The following NKAIN3 variants were observed in gnomAD, a reference collection of about 807,000 sequenced individuals.
NKAIN3 encodes sodium/potassium-transporting ATPase subunit beta-1-interacting protein 3.
In NKAIN3, 25 loss-of-function variants were observed where a neutral mutation model predicts 30.2. That is an observed-to-expected ratio of 0.83 (90% CI 0.60 to 1.16). The LOEUF is 1.16. Ranked by LOEUF, NKAIN3 falls within the 50% of genes most tolerant of loss-of-function variation. NKAIN3 has a pLI of 0.00. For synonymous variants in NKAIN3, 91 were observed against 89.6 expected (o/e 1.02, Z -0.09); for missense variants, 225 against 254.1 (o/e 0.89, Z 0.78).
At chr8:62,735,345 CCTTTCTTTCTTTCTTT>C (rs1222540572) in intron 3 of NKAIN3, among the ~76,000 whole-genome samples, 1 of 115,666 alleles carries the variant, frequency 8.6e-6, no homozygotes, top group Non-Finnish European at 1.9e-5. Context: ...AATTCAAAAA[CCTTTCTTTCTTTCTTT>C]CTTTCTTTCT....
intron 4 of NKAIN3, among the ~76,000 whole-genome samples, chr8:62,751,373 C>T (rs556456084): frequency 1.2e-4 from 18 of 152,290 alleles, no homozygotes; most frequent in East Asian, 1.2e-3. Flanking sequence ...AACCTCTGTC[C>T]GGCGTTTGGG....
intron 4 of NKAIN3, among the ~76,000 whole-genome samples, chr8:62,750,570 G>A (rs987329016): frequency 6.6e-6 from 1 of 152,066 alleles, no homozygotes; most frequent in Non-Finnish European, 1.5e-5. Context: ...AGCTTCTGCC[G>A]GCGCCTCTGT....
At chr8:62,559,855 C>G (rs1018347067) in intron 1 of NKAIN3, among the ~76,000 whole-genome samples, 2 of 152,014 alleles carry the variant, frequency 1.3e-5, no homozygotes, top group Non-Finnish European at 2.9e-5. Flanking sequence ...ATCTGTAATT[C>G]TTTCTGGTGT....
intron 4 of NKAIN3, among the ~76,000 whole-genome samples, chr8:62,782,656 T>C (rs562974396): frequency 6.6e-6 from 1 of 151,334 alleles, no homozygotes; most frequent in South Asian, 2.1e-4. Context: ...TTAATTTAAG[T>C]GAAATAAGCA....
intron 3 of NKAIN3, among the ~76,000 whole-genome samples, chr8:62,728,167 A>G (rs1228371783): frequency 1.3e-5 from 2 of 152,172 alleles, no homozygotes; most frequent in African/African-American, 4.8e-5. Context: ...CTCAAAATGG[A>G]TCACATACAC....
chr8:62,852,851 G>A (rs1819950890), intron 4 of NKAIN3, among the ~76,000 whole-genome samples: 1 of 152,134 alleles, frequency 6.6e-6, no homozygotes, highest in Non-Finnish European at 1.5e-5. Flanking sequence ...TTTTACATTT[G>A]CTGACGAGTG....
At chr8:62,371,905 C>T (rs990202893) in intron 1 of NKAIN3, among the ~76,000 whole-genome samples, 2 of 151,836 alleles carry the variant, frequency 1.3e-5, no homozygotes, top group South Asian at 2.1e-4. Flanking sequence ...TGCTCAGCCC[C>T]GCCTTTATTT....
At chr8:62,705,700 T>C (rs1450483413) in intron 3 of NKAIN3, among the ~76,000 whole-genome samples, 1 of 152,208 alleles carries the variant, frequency 6.6e-6, no homozygotes, top group Non-Finnish European at 1.5e-5. Flanking sequence ...TTTTGTCTTC[T>C]AATCTTTCTA....
chr8:62,901,971 C>T (rs186298250), intron 4 of NKAIN3, among the ~76,000 whole-genome samples: 1 of 152,184 alleles, frequency 6.6e-6, no homozygotes, highest in Non-Finnish European at 1.5e-5. Flanking sequence ...GCTAAGTCAG[C>T]TGCTCAGTGA....
At chr8:62,668,263 T>C (rs972369479) in intron 3 of NKAIN3, among the ~76,000 whole-genome samples, 3 of 152,178 alleles carry the variant, frequency 2.0e-5, no homozygotes, top group African/African-American at 7.2e-5. Context: ...GGCATGGACT[T>C]TGCTTTGCAT....
intron 1 of NKAIN3, among the ~76,000 whole-genome samples, chr8:62,468,714 G>T (rs2129599898): frequency 6.6e-6 from 1 of 152,246 alleles, no homozygotes; most frequent in African/African-American, 2.4e-5. Context: ...AATGCATTAT[G>T]AGTGTATGGC....
intron 3 of NKAIN3, among the ~76,000 whole-genome samples, chr8:62,657,434 A>C (rs1399736052): frequency 6.6e-6 from 1 of 152,222 alleles, no homozygotes; most frequent in Non-Finnish European, 1.5e-5. Flanking sequence ...CTCAAGAGCA[A>C]GAGAACAGGA....
chr8:62,276,533 TGA>T (rs1393787505), intron 1 of NKAIN3, among the ~76,000 whole-genome samples: 6 of 152,220 alleles, frequency 3.9e-5, no homozygotes, highest in Non-Finnish European at 8.8e-5. Context: ...GTTACGAAAA[TGA>T]GAGATGATGT....
intron 4 of NKAIN3, among the ~76,000 whole-genome samples, chr8:62,757,120 CA>C (rs1228142846): frequency 1.3e-5 from 2 of 152,040 alleles, no homozygotes; most frequent in Non-Finnish European, 2.9e-5. Context: ...ATCGAGCCAA[CA>C]TGGTGACTTA....
chr8:62,330,689 T>C (rs1324077058), intron 1 of NKAIN3, among the ~76,000 whole-genome samples: 1 of 151,954 alleles, frequency 6.6e-6, no homozygotes, highest in East Asian at 2.0e-4. Context: ...ATTTTACATA[T>C]CTAATGCCCA....
intron 4 of NKAIN3, among the ~76,000 whole-genome samples, chr8:62,751,890 G>A (rs1816296594): frequency 6.7e-6 from 1 of 149,734 alleles, no homozygotes; most frequent in Non-Finnish European, 1.5e-5. Context: ...ACTCCCTCAG[G>A]CTGTACTAGA....
chr8:62,624,002 C>G (rs943368917), intron 3 of NKAIN3, among the ~76,000 whole-genome samples: 1 of 152,084 alleles, frequency 6.6e-6, no homozygotes, highest in Non-Finnish European at 1.5e-5. Flanking sequence ...CTGAAGGTTC[C>G]TCCCCTTTTA....
intron 5 of NKAIN3, among the ~76,000 whole-genome samples, chr8:62,922,459 T>G (rs943175465): frequency 6.6e-6 from 1 of 152,174 alleles, no homozygotes; most frequent in Non-Finnish European, 1.5e-5. Flanking sequence ...CAACTTATAA[T>G]GTATGGAAGC....
intron 1 of NKAIN3, among the ~76,000 whole-genome samples, chr8:62,550,405 G>A (rs894753612): frequency 2.0e-5 from 3 of 152,174 alleles, no homozygotes; most frequent in Non-Finnish European, 4.4e-5. Flanking sequence ...GGGATTGTGC[G>A]CGTGTGCGCG....
Sources: gnomAD v4.1 joint callset for allele counts (sites outside exome capture counted in the v4.1 genomes callset) on GRCh38, gnomAD v4.1.1 for gene constraint, MANE v1.5 for transcripts, NCBI Gene and HGNC (gene_info 2026-07-23, HGNC 2026-07-21) for gene names.